The following LRP5 variants were observed in gnomAD, a reference collection of about 807,000 sequenced individuals.
LRP5 encodes LDL receptor related protein 5.
In LRP5, 62 loss-of-function variants were observed where a neutral mutation model predicts 154.1. The observed-to-expected ratio is 0.40, with a 90% CI of 0.33 to 0.50. The LOEUF (loss-of-function observed/expected upper bound fraction) is 0.50. Among genes scored for constraint, LRP5 ranks in the 20% least tolerant of loss-of-function variants. The pLI is 0.55. For synonymous variants in LRP5, 966 were observed against 1,011.5 expected (o/e 0.96, Z 0.85); for missense variants, 1,915 against 2,336.7 (o/e 0.82, Z 3.72).
chr11:68,414,191 CT>C (rs2098661249), intron 12 of LRP5, among the ~76,000 whole-genome samples, 179 bp downstream of exon 12: 3 of 152,166 alleles, frequency 2.0e-5, no homozygotes, highest in Admixed American at 1.3e-4. Context: ...GCTGGATGGA[CT>C]TGTTGCTTCA....
intron 13 of LRP5, 37 bp downstream of exon 13, chr11:68,416,564 C>T: frequency 6.3e-7 from 1 of 1,596,694 alleles, no homozygotes. Flanking sequence ...GGTGTGCTTC[C>T]CAAGGCGCTC....
chr11:68,388,317 G>A (rs888770904), intron 6 of LRP5, among the ~76,000 whole-genome samples: 12 of 152,080 alleles, frequency 7.9e-5, no homozygotes, highest in African/African-American at 2.9e-4. Flanking sequence ...CATGGGCCTC[G>A]GTGTCCTCAT....
At chr11:68,373,664 A>C (rs992670328) in intron 5 of LRP5, among the ~76,000 whole-genome samples, 1 of 151,520 alleles carries the variant, frequency 6.6e-6, no homozygotes, top group African/African-American at 2.4e-5. Context: ...CGGCCTCCCC[A>C]CCCCCTCCAC....
intron 5 of LRP5, among the ~76,000 whole-genome samples, chr11:68,369,523 C>T (rs2098632922): frequency 6.6e-6 from 1 of 152,006 alleles, no homozygotes; most frequent in Non-Finnish European, 1.5e-5. Context: ...TCGTGCCTGT[C>T]AGGTGCCTTG....
intron 5 of LRP5, among the ~76,000 whole-genome samples, chr11:68,367,113 A>G (rs1223203881): frequency 2.0e-5 from 3 of 152,092 alleles, no homozygotes; most frequent in African/African-American, 7.2e-5. Context: ...TTCGCTGTTG[A>G]CCGTTCACCT....
chr11:68,443,489 CAAAAAAAA>C (rs1171623131), intron 21 of LRP5, among the ~76,000 whole-genome samples: 1 of 21,972 alleles, frequency 4.6e-5, no homozygotes, highest in Non-Finnish European at 8.2e-5. Flanking sequence ...GACTCTGTCT[CAAAAAAAA>C]AAAAAAAAAA....
intron 13 of LRP5, among the ~76,000 whole-genome samples, chr11:68,418,833 G>A (rs867398425): frequency 2.6e-5 from 4 of 152,182 alleles, no homozygotes; most frequent in Admixed American, 1.3e-4. Context: ...TGACTGTCAC[G>A]TGGAGTCCTT....
chr11:68,321,130 C>G (rs1026165018), intron 1 of LRP5, among the ~76,000 whole-genome samples: 1 of 139,048 alleles, frequency 7.2e-6, no homozygotes, highest in African/African-American at 2.7e-5. Flanking sequence ...AGTTGTCCAA[C>G]ACCTTGGTGG....
chr11:68,361,529 C>T (rs931051860), intron 3 of LRP5, among the ~76,000 whole-genome samples: 3 of 150,814 alleles, frequency 2.0e-5, no homozygotes, highest in African/African-American at 7.3e-5. Flanking sequence ...CCCAGCCACT[C>T]GGGAGGCTGA....
intron 3 of LRP5, among the ~76,000 whole-genome samples, chr11:68,358,850 G>A (rs1386192817): frequency 6.6e-6 from 1 of 152,208 alleles, no homozygotes; most frequent in Non-Finnish European, 1.5e-5. Flanking sequence ...CCCTGTGCTA[G>A]GTGTCAGGGA....
intron 1 of LRP5, among the ~76,000 whole-genome samples, chr11:68,314,257 C>T (rs1433101648): frequency 1.3e-5 from 2 of 152,008 alleles, no homozygotes; most frequent in Admixed American, 6.6e-5. Context: ...GTTTTGTGCA[C>T]GTTTTGGGGT....
At chr11:68,372,850 G>A (rs1460561570) in intron 5 of LRP5, among the ~76,000 whole-genome samples, 1 of 152,152 alleles carries the variant, frequency 6.6e-6, no homozygotes, top group Admixed American at 6.5e-5. Context: ...GGACGGAGGG[G>A]GGTGTGCTGG....
chr11:68,398,485 G>T (rs540011679), intron 7 of LRP5, among the ~76,000 whole-genome samples: 28 of 152,298 alleles, frequency 1.8e-4, no homozygotes, highest in Admixed American at 6.5e-5. Flanking sequence ...CCATCTCATT[G>T]TCCTCAGACA....
intron 1 of LRP5, among the ~76,000 whole-genome samples, chr11:68,318,544 G>T (rs916866568): frequency 8.6e-5 from 13 of 151,810 alleles, no homozygotes; most frequent in African/African-American, 2.9e-4. Flanking sequence ...TCACTATGTT[G>T]CCCAGGCTGG....
At chr11:68,396,476 C>T (rs1565074156) in intron 7 of LRP5, among the ~76,000 whole-genome samples, 2 of 152,222 alleles carry the variant, frequency 1.3e-5, no homozygotes, top group African/African-American at 2.4e-5. Flanking sequence ...CAATCAGGCT[C>T]CAGGTTTTCA....
chr11:68,437,114 C>T (rs2098675468), intron 19 of LRP5, 115 bp downstream of exon 19: 1 of 880,914 alleles, frequency 1.1e-6, no homozygotes, highest in South Asian at 1.4e-5. Context: ...GTGGGAGACT[C>T]AGGCGGCTGG....
intron 13 of LRP5, among the ~76,000 whole-genome samples, chr11:68,416,936 A>G (rs2098662877): frequency 6.6e-6 from 1 of 152,256 alleles, no homozygotes; most frequent in Admixed American, 6.5e-5. Context: ...AAAATCGCAC[A>G]GTAAAAATGA....
chr11:68,337,441 A>G (rs967152835), intron 1 of LRP5, among the ~76,000 whole-genome samples: 1 of 152,170 alleles, frequency 6.6e-6, no homozygotes, highest in Non-Finnish European at 1.5e-5. Flanking sequence ...AGAATTAAGT[A>G]ACTTGAGTGC....
chr11:68,378,891 T>A (rs1285363967), intron 5 of LRP5, among the ~76,000 whole-genome samples: 2 of 151,614 alleles, frequency 1.3e-5, no homozygotes, highest in Non-Finnish European at 2.9e-5. Flanking sequence ...CTACTAAAAA[T>A]AAAAGATTAG....
Sources: gnomAD v4.1 joint callset for allele counts (sites outside exome capture counted in the v4.1 genomes callset) on GRCh38, gnomAD v4.1.1 for gene constraint, MANE v1.5 for transcripts, NCBI Gene and HGNC (gene_info 2026-07-23, HGNC 2026-07-21) for gene names.